BCAT1: variants seen among roughly 807,000 people sequenced by gnomAD.
BCAT1 encodes branched-chain-amino-acid aminotransferase, cytosolic.
In BCAT1, 48 loss-of-function variants were observed where a neutral mutation model predicts 52.4. The ratio of observed to expected loss-of-function variants is 0.92; its 90% CI spans 0.73 to 1.16. BCAT1 has a LOEUF of 1.16. Among genes scored for constraint, BCAT1 ranks in the 50% most tolerant of loss-of-function variants. BCAT1 has a pLI of 0.00. For synonymous variants in BCAT1, 167 were observed against 161.3 expected (o/e 1.04, Z -0.27); for missense variants, 451 against 457.1 (o/e 0.99, Z 0.12).
At chr12:24,825,412 A>C (rs1053417738) in intron 10 of BCAT1, among the ~76,000 whole-genome samples, 2 of 151,402 alleles carry the variant, frequency 1.3e-5, no homozygotes, top group African/African-American at 4.9e-5. Context: ...TTCAACCAAC[A>C]ATATATGATG....
chr12:24,834,346 C>T, intron 8 of BCAT1: 2 of 984,884 alleles, frequency 2.0e-6, no homozygotes, highest in Non-Finnish European at 2.4e-6. Flanking sequence ...AGTGGTATAA[C>T]CTCATTGACT....
intron 1 of BCAT1, among the ~76,000 whole-genome samples, chr12:24,924,575 G>A (rs565983524): frequency 6.6e-6 from 1 of 152,066 alleles, no homozygotes; most frequent in East Asian, 1.9e-4. Context: ...ATTAGAGCCT[G>A]GCTCTAATCA....
At chr12:24,895,301 C>G (rs1942933984) in intron 2 of BCAT1, among the ~76,000 whole-genome samples, 1 of 152,056 alleles carries the variant, frequency 6.6e-6, no homozygotes, top group South Asian at 2.1e-4. Context: ...CCGAGGCATG[C>G]AGATCACAAG....
chr12:24,892,567 A>G (rs1420231772), intron 3 of BCAT1, among the ~76,000 whole-genome samples: 2 of 152,196 alleles, frequency 1.3e-5, no homozygotes, highest in Non-Finnish European at 2.9e-5. Flanking sequence ...ATTTAAAAGC[A>G]CATAGCCAGG....
chr12:24,860,922 G>T (rs987252122), intron 5 of BCAT1, among the ~76,000 whole-genome samples: 8 of 152,126 alleles, frequency 5.3e-5, no homozygotes, highest in African/African-American at 1.7e-4. Context: ...ATGGAACAAA[G>T]TTACATCAAA....
intron 3 of BCAT1, among the ~76,000 whole-genome samples, chr12:24,885,925 A>G (rs1942650630): frequency 6.6e-6 from 1 of 152,228 alleles, no homozygotes; most frequent in Non-Finnish European, 1.5e-5. Flanking sequence ...ACTATAAGAT[A>G]TCTTTATAAT....
At chr12:24,876,765 G>A (rs1942358188) in intron 5 of BCAT1, among the ~76,000 whole-genome samples, 1 of 152,108 alleles carries the variant, frequency 6.6e-6, no homozygotes, top group Non-Finnish European at 1.5e-5. Context: ...AGAACACATG[G>A]GCACATGCAG....
rs114224528 is a variant in BCAT1 at position 24,860,640 on chromosome 12, A to G, written c.511-10691T>C. 2.5e-3 allele frequency among the ~76,000 whole-genome samples: 381 copies of G among 152,316 alleles called. 1 individual carries two copies. The highest frequency in any genetic ancestry group is 8.9e-3 in the African/African-American group (368 of 41,578). Reference sequence around the variant, plus strand: ...CTTTGACTGGAATGGCATTCTTTCAAATATAAACAGATTGCTTTAAGGAAT... The same window carrying G: ...CTTTGACTGGAATGGCATTCTTTCAGATATAAACAGATTGCTTTAAGGAAT... On this transcript the variant is annotated intron_variant, in intron 5 of 10. Transcript: ENST00000261192.
At chr12:24,928,632 CAAA>C (rs34227038) in intron 1 of BCAT1, among the ~76,000 whole-genome samples, 99 of 85,346 alleles carry the variant, frequency 1.2e-3, no homozygotes, top group Middle Eastern at 6.3e-3. Flanking sequence ...GAGACAGTCT[CAAA>C]AAAAAAAAAA....
intron 1 of BCAT1, among the ~76,000 whole-genome samples, chr12:24,929,343 C>A (rs922692096): frequency 2.0e-5 from 3 of 152,152 alleles, no homozygotes; most frequent in Non-Finnish European, 4.4e-5. Context: ...GCACATCCAA[C>A]AGAAATGGGG....
chr12:24,944,733 G>T (rs1355474809), intron 1 of BCAT1, among the ~76,000 whole-genome samples: 1 of 152,172 alleles, frequency 6.6e-6, no homozygotes, highest in Non-Finnish European at 1.5e-5. Context: ...TTAGATTAAA[G>T]ACTATTCTTA....
At position 24,815,565 on chromosome 12, in the gene BCAT1, G is replaced by C. The variant is rs981105839; in HGVS notation, c.*2443C>G. The stretch of plus-strand genomic sequence containing the variant: ...CTGCAATTAAACAAATAGTGCACAA[G>C]GAAAAAAGATGTGCAGATGTTCCTG... On this transcript the variant is annotated 3_prime_UTR_variant, in exon 11 of 11. Transcript: ENST00000261192. The C allele has an allele frequency of 6.6e-6, 1 of 152,420 alleles. No homozygotes were observed. Among genetic ancestry groups the C allele is most frequent in the Non-Finnish European group, 1.5e-5 (1 of 68,014 alleles). 9.4% of individuals were successfully genotyped at this position (152,420 alleles called of 1,614,324 possible).
chr12:24,935,457 A>G (rs573398436), intron 1 of BCAT1, among the ~76,000 whole-genome samples: 273 of 152,276 alleles, frequency 1.8e-3, no homozygotes, highest in Non-Finnish European at 3.3e-3. Flanking sequence ...TCAGACCCCT[A>G]GTCCAAGTCA....
intron 3 of BCAT1, among the ~76,000 whole-genome samples, chr12:24,887,064 A>AAATAAAAAAT (rs1421398673): frequency 1.3e-5 from 1 of 78,300 alleles, no homozygotes; most frequent in Admixed American, 1.3e-4. Context: ...TGCTAGCTAA[A>AAATAAAAAAT]AAAAAAAAAA....
intron 3 of BCAT1, among the ~76,000 whole-genome samples, chr12:24,891,442 CA>C (rs969014298): frequency 5.3e-5 from 8 of 152,064 alleles, no homozygotes; most frequent in Non-Finnish European, 1.0e-4. Flanking sequence ...GGACCCCAAG[CA>C]AAAACCACTT....
intron 1 of BCAT1, among the ~76,000 whole-genome samples, chr12:24,922,491 A>AT (rs1173254257): frequency 6.6e-6 from 1 of 152,216 alleles, no homozygotes; most frequent in Non-Finnish European, 1.5e-5. Context: ...ATAGCAACCC[A>AT]TTTTACATAT....
chr12:24,917,443 A>AAGTGC (rs1333047830), intron 1 of BCAT1, among the ~76,000 whole-genome samples: 1 of 152,172 alleles, frequency 6.6e-6, no homozygotes, highest in Non-Finnish European at 1.5e-5. Context: ...TGGCCTCCCA[A>AAGTGC]AGTGCTGGGA....
At chr12:24,900,571 G>A (rs1670934748) in intron 2 of BCAT1, among the ~76,000 whole-genome samples, 1 of 152,208 alleles carries the variant, frequency 6.6e-6, no homozygotes, top group African/African-American at 2.4e-5. Flanking sequence ...CTGGGCAACA[G>A]AACAAGACTC....
chr12:24,897,313 C>A (rs16928169), intron 2 of BCAT1, among the ~76,000 whole-genome samples: 3 of 152,096 alleles, frequency 2.0e-5, no homozygotes, highest in Admixed American at 1.3e-4. Context: ...ATCAAATTAG[C>A]GGCAAAGCAG....
Sources: gnomAD v4.1 joint callset for allele counts (sites outside exome capture counted in the v4.1 genomes callset) on GRCh38, gnomAD v4.1.1 for gene constraint, MANE v1.5 for transcripts, NCBI Gene and HGNC (gene_info 2026-07-23, HGNC 2026-07-21) for gene names.